ERMP1: variants seen among roughly 807,000 people sequenced by gnomAD.
ERMP1 encodes the protein endoplasmic reticulum metallopeptidase 1, also known as Felix-ina.
In ERMP1, 86 loss-of-function variants were observed where a neutral mutation model predicts 92.0. That is an observed-to-expected ratio of 0.93 (90% CI 0.79 to 1.12). ERMP1 has a LOEUF of 1.12. Among genes scored for constraint, ERMP1 ranks in the 50% most tolerant of loss-of-function variants. The pLI is 0.00. For missense variants in ERMP1, 1,342 were observed against 1,116.3 expected (o/e 1.20, Z -2.88); for synonymous variants, 530 against 412.8 (o/e 1.28, Z -3.44).
At chr9:5,840,841 T>G (rs556105880) in intron 6 of ERMP1, among the ~76,000 whole-genome samples, 2 of 152,254 alleles carry the variant, frequency 1.3e-5, no homozygotes, top group Admixed American at 1.3e-4. Flanking sequence ...TTCATTTGCA[T>G]GGCATTACAG....
intron 8 of ERMP1, among the ~76,000 whole-genome samples, chr9:5,809,352 A>T (rs1829001531): frequency 6.6e-6 from 1 of 152,178 alleles, no homozygotes; most frequent in Non-Finnish European, 1.5e-5. Flanking sequence ...TTTGCCAAAC[A>T]AATTTATGCA....
Position 5,811,282 on chromosome 9 carries a change from C to A in ERMP1, c.1156G>T (p.Asp386Tyr). ...LAVLKHLATS[D>Y]MLAAASKYRH... ...TACTTAGAAGCAGCAGCCAGCATAT[C>A]AGATGTAGCTAGATGCTTAAGAACT... Residue 386 changes from aspartate to tyrosine, a missense_variant, in exon 7 of 15, where the codon GAT (aspartate) becomes TAT (tyrosine). Physicochemically the swap from Asp to Tyr is radical, Grantham distance 160. Transcript: ENST00000339450. 1 of 1,612,972 alleles carries A rather than the reference C, an allele frequency of 6.2e-7. No individual in the cohort carries two copies. Among genetic ancestry groups the A allele is most frequent in the Non-Finnish European group, 8.5e-7 (1 of 1,179,818 alleles).
Position 5,787,099 on chromosome 9 carries a change from A to G in ERMP1, c.*45T>C, listed in dbSNP as rs746058054. The G allele has an allele frequency of 5.5e-5, 85 of 1,549,594 alleles. No individual in the cohort carries two copies. The highest frequency in any genetic ancestry group is 1.9e-4 in the Middle Eastern group (1 of 5,178). ...ACGTAACATAGGGAGAAACCATGTC[A>G]CATGGAGTATCCACTGGGCATGTAC... On this transcript the variant is annotated 3_prime_UTR_variant, in exon 15 of 15. Transcript: ENST00000339450.
chr9:5,813,153 T>C (rs941392611), intron 4 of ERMP1, 118 bp from the exon 5 acceptor site: 2 of 964,510 alleles, frequency 2.1e-6, no homozygotes, highest in Non-Finnish European at 3.1e-6. Context: ...GGGTCCAATA[T>C]GTACCTTTTC....
Position 5,787,085 on chromosome 9 carries a change from G to A in ERMP1, c.*59C>T, listed in dbSNP as rs189298191. The A allele has an allele frequency of 2.0e-6, 3 of 1,464,922 alleles. No individual in the cohort carries two copies. The highest frequency in any genetic ancestry group is 2.8e-6 in the Non-Finnish European group (3 of 1,073,840). The allele number at this position is 1,464,922 out of a possible 1,614,324, so 90.7% of individuals were successfully genotyped here. A position where few individuals can be genotyped will look rare whatever the true frequency, so the allele number is the denominator to read the frequency against. ...CGTTACAAACATCCACGTAACATAG[G>A]GAGAAACCATGTCACATGGAGTATC... On this transcript the variant is annotated 3_prime_UTR_variant, in exon 15 of 15. Transcript: ENST00000339450.
chr9:5,790,192 T>C (rs1260133), intron 13 of ERMP1, among the ~76,000 whole-genome samples: 5,419 of 144,060 alleles, frequency 0.038, 288 homozygotes, highest in African/African-American at 0.13. Flanking sequence ...TTTTTTTTTT[T>C]CCCCTGAGAC....
At chr9:5,817,389 A>C (rs1829358596) in intron 4 of ERMP1, among the ~76,000 whole-genome samples, 3 of 150,694 alleles carry the variant, frequency 2.0e-5, no homozygotes, top group Admixed American at 6.6e-5. Flanking sequence ...AGGGTTTCAC[A>C]ATGTTGGCCA....
At position 5,862,717 on chromosome 9, in the gene ERMP1, G is replaced by A. The variant is rs529685973; in HGVS notation, n.3056-3106C>T. The stretch of plus-strand genomic sequence containing the variant: ...CAAAACCCTTGTATTATCATCAAGG[G>A]TCATCCTTGATTAACCGGCTTAATC... On this transcript the variant is annotated intron_variant and non_coding_transcript_variant, in intron 5 of 6. Transcript: ENST00000690753. 1.2e-4 allele frequency among the ~76,000 whole-genome samples: 18 copies of A among 152,198 alleles called. No individual in the cohort carries two copies. In the East Asian group the frequency reaches 3.1e-3, roughly 26 times the overall value.
intron 10 of ERMP1, among the ~76,000 whole-genome samples, chr9:5,803,139 G>C (rs1828736491): frequency 6.6e-6 from 1 of 152,170 alleles, no homozygotes; most frequent in South Asian, 2.1e-4. Context: ...TGAAGGGAAA[G>C]CTGTCTGAAA....
At chr9:5,802,780 G>C (rs1003249902) in intron 10 of ERMP1, among the ~76,000 whole-genome samples, 2 of 152,198 alleles carry the variant, frequency 1.3e-5, no homozygotes, top group Admixed American at 1.3e-4. Context: ...GGGGACTGCT[G>C]ATACAAGTGG....
chr9:5,805,862 T>C (rs753917573), intron 8 of ERMP1, 77 bp from the exon 9 acceptor site: 52 of 1,120,490 alleles, frequency 4.6e-5, no homozygotes, highest in Non-Finnish European at 2.5e-5. Context: ...TAACACACTT[T>C]CCATCACTCA....
chr9:5,812,863 G>C (rs1829153895), intron 5 of ERMP1, 26 bp downstream of exon 5: 1 of 1,613,338 alleles, frequency 6.2e-7, no homozygotes, highest in South Asian at 1.1e-5. Flanking sequence ...ATGCTGCACA[G>C]TAGGCCGTAA....
intron 13 of ERMP1, among the ~76,000 whole-genome samples, chr9:5,788,516 T>G (rs969880554): frequency 1.3e-5 from 2 of 151,944 alleles, no homozygotes; most frequent in African/African-American, 4.8e-5. Context: ...GTCAAAAAAG[T>G]TGAAAGAGAT....
At chr9:5,822,831 A>AT (rs575629925) in intron 4 of ERMP1, among the ~76,000 whole-genome samples, 596 of 152,246 alleles carry the variant, frequency 3.9e-3, no homozygotes, top group African/African-American at 0.013. Flanking sequence ...TGAGGTTGCA[A>AT]TTTTTTTAAT....
chr9:5,809,877 G>T, intron 8 of ERMP1, 134 bp downstream of exon 8: 1 of 633,180 alleles, frequency 1.6e-6, no homozygotes, highest in Non-Finnish European at 2.8e-6. Flanking sequence ...TTAACACAGT[G>T]TAGGTGCGTT....
intron 2 of ERMP1, among the ~76,000 whole-genome samples, chr9:5,827,327 G>A (rs1829763704): frequency 1.3e-5 from 2 of 151,878 alleles, no homozygotes; most frequent in African/African-American, 4.8e-5. Context: ...ACATATAAAA[G>A]ACACTAACAC....
chr9:5,809,949 T>A (rs1829026012), intron 8 of ERMP1, 62 bp downstream of exon 8: 2 of 1,183,010 alleles, frequency 1.7e-6, no homozygotes, highest in Non-Finnish European at 2.5e-6. Context: ...GAATCACACT[T>A]AAGTTCATCT....
At chr9:5,821,030 G>A (rs545086787) in intron 4 of ERMP1, among the ~76,000 whole-genome samples, 1 of 152,146 alleles carries the variant, frequency 6.6e-6, no homozygotes, top group Non-Finnish European at 1.5e-5. Context: ...TAAAATTTCA[G>A]AGTAAGGAGG....
chr9:5,822,054 G>C (rs569813798), intron 4 of ERMP1, among the ~76,000 whole-genome samples: 5 of 152,022 alleles, frequency 3.3e-5, no homozygotes, highest in Non-Finnish European at 7.4e-5. Context: ...AGGAGTTTGA[G>C]ACCAGCCTGG....
Sources: allele counts gnomAD v4.1 joint callset (sites outside exome capture counted in the v4.1 genomes callset), GRCh38; gene constraint gnomAD v4.1.1; transcripts MANE v1.5; gene names NCBI Gene and HGNC (gene_info 2026-07-23, HGNC 2026-07-21).